The following GNG2 variants were observed in gnomAD, a reference collection of about 807,000 sequenced individuals.
GNG2 encodes the protein G protein subunit gamma 2.
In GNG2, 5 loss-of-function variants were observed where a neutral mutation model predicts 5.5. That is an observed-to-expected ratio of 0.91 (90% CI 0.48 to 1.92). The LOEUF is 1.92. Ranked by LOEUF, GNG2 falls within the 30% of genes most tolerant of loss-of-function variation. GNG2 has a pLI of 0.01. For synonymous variants in GNG2, 28 were observed against 32.0 expected, an observed-to-expected ratio of 0.88 and a Z score of 0.42; for missense variants, 55 against 88.4, an observed-to-expected ratio of 0.62 and a Z score of 1.52.
intron 2 of GNG2, among the ~76,000 whole-genome samples, chr14:51,837,154 C>T (rs61970749): frequency 0.27 from 40,386 of 151,522 alleles, 6,471 homozygotes; most frequent in Non-Finnish European, 0.37. Flanking sequence ...CCACCGCACC[C>T]GGCCTGATCT....
intron 3 of GNG2, among the ~76,000 whole-genome samples, chr14:51,962,580 C>T (rs1889677382): frequency 6.6e-6 from 1 of 152,044 alleles, no homozygotes; most frequent in African/African-American, 2.4e-5. Context: ...CCTTTATTTA[C>T]AAAGTTATTT....
At chr14:51,917,335 G>A (rs1464659589) in intron 2 of GNG2, 1 of 456,028 alleles carries the variant, frequency 2.2e-6, no homozygotes, top group Admixed American at 2.3e-5. Context: ...TGTACTTACT[G>A]AGCCCCAAGT....
chr14:51,863,854 A>T (rs1882687318), intron 1 of GNG2, among the ~76,000 whole-genome samples: 1 of 152,216 alleles, frequency 6.6e-6, no homozygotes, highest in African/African-American at 2.4e-5. Context: ...ATGTGCTAGA[A>T]TTTCCTTCCT....
chr14:51,905,743 G>A (rs1273095231), intron 2 of GNG2, among the ~76,000 whole-genome samples: 1 of 152,186 alleles, frequency 6.6e-6, no homozygotes, highest in Admixed American at 6.5e-5. Context: ...GGACCAGGTG[G>A]AAATAATTGA....
At chr14:51,904,272 A>G (rs1031641439) in intron 2 of GNG2, among the ~76,000 whole-genome samples, 5 of 152,154 alleles carry the variant, frequency 3.3e-5, no homozygotes, top group African/African-American at 1.2e-4. Flanking sequence ...CTGATTCTCC[A>G]CATTACCAGC....
chr14:51,875,947 C>CTTTTTTTTTTTTTTTTTTTTTTTTTTT (rs10529707), intron 1 of GNG2, among the ~76,000 whole-genome samples: 1 of 141,124 alleles, frequency 7.1e-6, no homozygotes. Flanking sequence ...ACATTTTTTT[C>CTTTTTTTTTTTTTTTTTTTTTTTTTTT]TTTTTTCCGA....
At chr14:51,837,765 T>A (rs188571255) in intron 2 of GNG2, among the ~76,000 whole-genome samples, 43 of 152,258 alleles carry the variant, frequency 2.8e-4, no homozygotes, top group African/African-American at 9.9e-4. Flanking sequence ...GAAGTATTTA[T>A]AGAGGCTGAA....
chr14:51,965,032 G>A (rs955085776), intron 3 of GNG2, among the ~76,000 whole-genome samples: 3 of 152,140 alleles, frequency 2.0e-5, no homozygotes, highest in Admixed American at 6.5e-5. Flanking sequence ...TCAGTCGGAC[G>A]AAGTGGTATA....
intron 3 of GNG2, among the ~76,000 whole-genome samples, chr14:51,954,554 T>C (rs1889169499): frequency 6.6e-6 from 1 of 152,154 alleles, no homozygotes; most frequent in South Asian, 2.1e-4. Context: ...TCAACCAAGC[T>C]AGCTGAAGCA....
intron 3 of GNG2, among the ~76,000 whole-genome samples, chr14:51,953,023 TTTAA>T (rs1463372561): frequency 6.6e-6 from 1 of 152,150 alleles, no homozygotes; most frequent in Non-Finnish European, 1.5e-5. Context: ...TAGAACAACT[TTTAA>T]TTCTTTTGAT....
intron 2 of GNG2, among the ~76,000 whole-genome samples, chr14:51,936,054 C>A (rs899048684): frequency 6.6e-6 from 1 of 152,192 alleles, no homozygotes; most frequent in Admixed American, 6.5e-5. Flanking sequence ...CCTGGAGAGT[C>A]CTTCCTCTCA....
At chr14:51,881,844 G>C (rs1041152539) in intron 2 of GNG2, among the ~76,000 whole-genome samples, 8 of 150,578 alleles carry the variant, frequency 5.3e-5, no homozygotes, top group African/African-American at 2.0e-4. Context: ...CATTGAAGTA[G>C]AATCTGGCTT....
intron 2 of GNG2, among the ~76,000 whole-genome samples, chr14:51,928,738 G>A (rs189596118): frequency 1.4e-3 from 218 of 152,268 alleles, no homozygotes; most frequent in Middle Eastern, 0.01. Flanking sequence ...TTTTGGCTCC[G>A]GGTACATACG....
At chr14:51,898,460 C>T (rs1239329778) in intron 2 of GNG2, among the ~76,000 whole-genome samples, 1 of 152,020 alleles carries the variant, frequency 6.6e-6, no homozygotes, top group African/African-American at 2.4e-5. Flanking sequence ...GCTTCCTCAT[C>T]CCTGTTTAAT....
At chr14:51,919,139 T>G (rs955260988) in intron 2 of GNG2, among the ~76,000 whole-genome samples, 1 of 151,860 alleles carries the variant, frequency 6.6e-6, no homozygotes, top group Non-Finnish European at 1.5e-5. Flanking sequence ...AAACTTTTAA[T>G]GATTTTACTC....
chr14:51,832,202 C>G (rs947426199), intron 2 of GNG2, among the ~76,000 whole-genome samples: 2 of 151,782 alleles, frequency 1.3e-5, no homozygotes, highest in African/African-American at 4.8e-5. Flanking sequence ...ATCACTTGAC[C>G]CCAGGAGTTC....
At chr14:51,938,208 C>A (rs566071039) in intron 2 of GNG2, among the ~76,000 whole-genome samples, 1 of 152,310 alleles carries the variant, frequency 6.6e-6, no homozygotes, top group South Asian at 2.1e-4. Flanking sequence ...AACCCTCCCT[C>A]AAAAAATTTC....
intron 2 of GNG2, among the ~76,000 whole-genome samples, chr14:51,837,166 A>G (rs1384926507): frequency 2.6e-5 from 4 of 152,080 alleles, no homozygotes; most frequent in Non-Finnish European, 5.9e-5. Flanking sequence ...GCCTGATCTC[A>G]ACTTAACGTT....
chr14:51,908,604 C>G (rs1198550681), intron 2 of GNG2, among the ~76,000 whole-genome samples: 1 of 152,142 alleles, frequency 6.6e-6, no homozygotes, highest in Non-Finnish European at 1.5e-5. Flanking sequence ...GTGTCTCGCT[C>G]TGTCACCCAG....
Sources: gnomAD v4.1 joint callset for allele counts (sites outside exome capture counted in the v4.1 genomes callset) on GRCh38, gnomAD v4.1.1 for gene constraint, MANE v1.5 for transcripts, NCBI Gene and HGNC (gene_info 2026-07-23, HGNC 2026-07-21) for gene names.